NAT10: variants seen among roughly 807,000 people sequenced by gnomAD.
NAT10 encodes the protein N-acetyltransferase 10, also known as RNA cytidine acetyltransferase.
NAT10 carries 109 observed loss-of-function variants against 132.2 expected under a neutral mutation model. The ratio of observed to expected loss-of-function variants is 0.82; its 90% CI spans 0.71 to 0.97. NAT10 has a LOEUF of 0.97. Among genes scored for constraint, NAT10 ranks in the 50% least tolerant of loss-of-function variants. The probability of loss-of-function intolerance (pLI) is 0.00; values close to 1 mark genes in which losing one functional copy is unlikely to be tolerated. For synonymous variants in NAT10, 479 were observed against 478.0 expected, an observed-to-expected ratio of 1.00 and a Z score of -0.03; for missense variants, 1,184 against 1,263.4, an observed-to-expected ratio of 0.94 and a Z score of 0.95.
chr11:34,115,569 A>G (rs1851770941), intron 5 of NAT10, among the ~76,000 whole-genome samples: 1 of 152,250 alleles, frequency 6.6e-6, no homozygotes, highest in South Asian at 2.1e-4. Context: ...CAGCATGCCA[A>G]TTTTATGAAA....
Position 34,135,308 on chromosome 11 carries a change from A to C in NAT10, c.2028+17A>C, listed in dbSNP as rs571602514. 1 of 1,600,120 alleles carries C rather than the reference A, an allele frequency of 6.2e-7. No individual in the cohort carries two copies. The highest frequency in any genetic ancestry group is 2.2e-5 in the East Asian group (1 of 44,834). On this transcript the variant is annotated intron_variant, in intron 19 of 28. Coordinates refer to ENST00000257829, the MANE Select transcript of NAT10 (RefSeq NM_024662.3). ...AGCAGCGAGGTAAGCATCTTTCGAC[A>C]GACCTCCTGTGTCCTGGTTCTTGGG... is the stretch of plus-strand genomic sequence containing the variant.
At chr11:34,122,802 C>CT (rs1409315040) in intron 9 of NAT10, among the ~76,000 whole-genome samples, 1 of 152,240 alleles carries the variant, frequency 6.6e-6, no homozygotes, top group Non-Finnish European at 1.5e-5. Flanking sequence ...CTTGTGTGTA[C>CT]ACACAGACAC....
chr11:34,115,372 GCCCTC>G, intron 5 of NAT10, among the ~76,000 whole-genome samples: 1 of 152,204 alleles, frequency 6.6e-6, no homozygotes, highest in East Asian at 1.9e-4. Flanking sequence ...TCTCAGAGAG[GCCCTC>G]CCTCACTACC....
chr11:34,143,695 C>T lies in NAT10; in HGVS notation c.2969+167C>T, dbSNP rs569606882. On this transcript the variant is annotated intron_variant, in intron 28 of 28. Coordinates refer to ENST00000257829, the MANE Select transcript of NAT10 (RefSeq NM_024662.3). The stretch of plus-strand genomic sequence containing the variant: ...GGCCATTACCCTTGCAGTGCATGTC[C>T]CACAGACCAGGAGGGCCATCTCTTA... Among the ~76,000 whole-genome samples the T allele has an allele frequency of 2.0e-5, 3 of 152,290 alleles. No individual in the cohort carries two copies. The South Asian group carries it at 6.2e-4, about 32-fold the overall frequency.
intron 4 of NAT10, 133 bp downstream of exon 4, chr11:34,112,356 G>A (rs1207278708): frequency 9.2e-7 from 1 of 1,088,778 alleles, no homozygotes; most frequent in Non-Finnish European, 1.3e-6. Flanking sequence ...AGCATTATTA[G>A]TGGAAGTCCT....
At chr11:34,114,567 T>G (rs1391250601) in intron 5 of NAT10, among the ~76,000 whole-genome samples, 1 of 152,178 alleles carries the variant, frequency 6.6e-6, no homozygotes, top group Non-Finnish European at 1.5e-5. Context: ...TACAGCCCTT[T>G]TGGCCTCCTC....
chr11:34,133,878 C>T (rs991657321), intron 16 of NAT10, among the ~76,000 whole-genome samples: 2 of 151,748 alleles, frequency 1.3e-5, no homozygotes, highest in African/African-American at 2.4e-5. Flanking sequence ...TCAGGCCAGG[C>T]GCCATGGCTC....
In NAT10 at chr11:34,146,360, CAG is replaced by C. The variant is rs1852441838; in HGVS notation, c.*171_*172del. 1.8e-5 allele frequency: 10 copies of C among 563,256 alleles called. No homozygotes were observed. The highest frequency in any genetic ancestry group is 3.2e-5 in the Non-Finnish European group (10 of 316,210). The allele number at this position is 563,256 out of a possible 1,614,324, so 34.9% of individuals were successfully genotyped here. A position where few individuals can be genotyped will look rare whatever the true frequency, so the allele number is the denominator to read the frequency against. ...TCTGTGAGCTCAACCTGGCTAAAGG[CAG>C]AGTCACTCCCAAATGGGTCTCTTTA... On this transcript the variant is annotated 3_prime_UTR_variant, in exon 29 of 29. Coordinates refer to ENST00000257829, the MANE Select transcript of NAT10 (RefSeq NM_024662.3).
In NAT10 at chr11:34,127,340, A is replaced by G. The variant is rs186229950; in HGVS notation, c.1108-123A>G. 2.0e-5 allele frequency: 22 copies of G among 1,095,280 alleles called. No individual in the cohort carries two copies. The Admixed American group carries it at 3.3e-4, about 16-fold the overall frequency. The allele number at this position is 1,095,280 out of a possible 1,614,324, so 67.8% of individuals were successfully genotyped here. Reference sequence around the variant, plus strand: ...TGCCAGGAAAAAGTAGAAAGGAGGAATGAGAGGAGAGAAGGAAACAGGGAG... The same window carrying G: ...TGCCAGGAAAAAGTAGAAAGGAGGAGTGAGAGGAGAGAAGGAAACAGGGAG... On this transcript the variant is annotated intron_variant, in intron 11 of 28. Transcript: ENST00000257829.
At chr11:34,117,297 A>G (rs1851798731) in intron 6 of NAT10, among the ~76,000 whole-genome samples, 1 of 152,316 alleles carries the variant, frequency 6.6e-6, no homozygotes, top group South Asian at 2.1e-4. Flanking sequence ...AGTGGTTCTC[A>G]TCTGGAGCCA....
intron 21 of NAT10, 93 bp from the exon 22 acceptor site, chr11:34,139,096 TAA>T: frequency 8.4e-7 from 1 of 1,193,116 alleles, no homozygotes; most frequent in South Asian, 1.3e-5. Flanking sequence ...GCGGAAGCAC[TAA>T]GCCTTTCTTC....
Position 34,134,398 on chromosome 11 carries a change from T to A in NAT10, c.1814T>A (p.Ile605Asn). 6.2e-7 allele frequency: 1 copy of A among 1,614,172 alleles called. No homozygotes were observed. Among genetic ancestry groups the A allele is most frequent in the Non-Finnish European group, 8.5e-7 (1 of 1,180,020 alleles). ...SRGKKASGDL[I>N]PWTVSEQFQD... ...GGCAAGAAGGCTTCAGGGGACCTGA[T>A]TCCATGGACAGTGTCAGAACAGGTG... Residue 605 changes from isoleucine to asparagine, a missense_variant, in exon 17 of 29, where the codon ATT becomes AAT. By Grantham distance (149) the Ile-to-Asn change is moderately radical. Transcript: ENST00000257829.
intron 1 of NAT10, among the ~76,000 whole-genome samples, chr11:34,107,840 A>T (rs1851621390): frequency 1.3e-5 from 2 of 152,192 alleles, no homozygotes; most frequent in South Asian, 2.1e-4. Context: ...ATGCCATTGC[A>T]CTCCAGCCTG....
intron 9 of NAT10, among the ~76,000 whole-genome samples, chr11:34,122,813 A>G (rs954236915): frequency 6.6e-6 from 1 of 152,240 alleles, no homozygotes; most frequent in Non-Finnish European, 1.5e-5. Flanking sequence ...ACACAGACAC[A>G]TATATACCAG....
chr11:34,131,368 T>A lies in NAT10; in HGVS notation c.1370-13T>A. 1.3e-6 allele frequency: 2 copies of A among 1,596,602 alleles called. No individual in the cohort carries two copies. Among genetic ancestry groups the A allele is most frequent in the Non-Finnish European group, 1.7e-6 (2 of 1,171,002 alleles). The stretch of plus-strand genomic sequence containing the variant: ...ATTGTTTCTTCTTTTGTGTGTGTGA[T>A]TGTGGGGAGCAGCGCGGACACTGTA... On this transcript the variant is annotated splice_polypyrimidine_tract_variant and intron_variant, in intron 13 of 28. Transcript: ENST00000257829.
intron 16 of NAT10, among the ~76,000 whole-genome samples, chr11:34,133,911 G>A (rs1366720557): frequency 1.3e-5 from 2 of 151,950 alleles, no homozygotes; most frequent in African/African-American, 2.4e-5. Context: ...CCAGCACTTT[G>A]GGAGGCCGAG....
chr11:34,109,832 AC>A (rs1395660646), intron 3 of NAT10, among the ~76,000 whole-genome samples: 1 of 152,162 alleles, frequency 6.6e-6, no homozygotes, highest in Admixed American at 6.5e-5. Flanking sequence ...CAACTTTCTC[AC>A]TGCAGACCAG....
chr11:34,126,322 T>G (rs1851993442), intron 11 of NAT10, among the ~76,000 whole-genome samples: 1 of 152,252 alleles, frequency 6.6e-6, no homozygotes, highest in Non-Finnish European at 1.5e-5. Context: ...TCAGTTCATG[T>G]GTTTCTATGT....
At chr11:34,143,011 C>G (rs1852367849) in intron 27 of NAT10, among the ~76,000 whole-genome samples, 1 of 152,154 alleles carries the variant, frequency 6.6e-6, no homozygotes, top group African/African-American at 2.4e-5. Flanking sequence ...TTTGCCAGGA[C>G]TGCTAAATCT....
Sources: allele counts gnomAD v4.1 joint callset (sites outside exome capture counted in the v4.1 genomes callset), GRCh38; gene constraint gnomAD v4.1.1; transcripts MANE v1.5; gene names NCBI Gene and HGNC (gene_info 2026-07-23, HGNC 2026-07-21).